CDH13: variants seen among roughly 807,000 people sequenced by gnomAD.
The protein encoded by CDH13 is cadherin-13.
Under a neutral mutation model 63.8 loss-of-function variants are expected in CDH13, and 24 were observed. The observed-to-expected ratio is 0.38, with a 90% CI of 0.27 to 0.53. The LOEUF (loss-of-function observed/expected upper bound fraction) is 0.53, where lower values mean the gene tolerates loss of function less well. CDH13 is among the 20% of genes least tolerant of loss of function. CDH13 has a pLI of 0.85. For synonymous variants in CDH13, 503 were observed against 355.3 expected, an observed-to-expected ratio of 1.42 and a Z score of -4.67; for missense variants, 1,049 against 903.1, an observed-to-expected ratio of 1.16 and a Z score of -2.07.
At chr16:82,736,631 A>G (rs543634127) in intron 1 of CDH13, among the ~76,000 whole-genome samples, 1 of 152,296 alleles carries the variant, frequency 6.6e-6, no homozygotes, top group African/African-American at 2.4e-5. Flanking sequence ...TCTCTCCGCT[A>G]GCTTAAATCT....
intron 13 of CDH13, among the ~76,000 whole-genome samples, chr16:83,788,745 G>A (rs1271395467): frequency 6.6e-6 from 1 of 152,186 alleles, no homozygotes; most frequent in Non-Finnish European, 1.5e-5. Context: ...TGTGCTTTAT[G>A]TGCTCGTCTA....
At chr16:82,894,371 G>A (rs1306910688) in intron 2 of CDH13, among the ~76,000 whole-genome samples, 1 of 152,200 alleles carries the variant, frequency 6.6e-6, no homozygotes, top group Non-Finnish European at 1.5e-5. Flanking sequence ...GGCAGGCGTG[G>A]TGGCTCAAGC....
At chr16:83,115,353 C>T (rs374500120) in intron 3 of CDH13, among the ~76,000 whole-genome samples, 1 of 150,938 alleles carries the variant, frequency 6.6e-6, no homozygotes, top group East Asian at 1.9e-4. Flanking sequence ...GTAATAAATA[C>T]TCAATAAATG....
chr16:82,861,341 T>C (rs1434100433), intron 2 of CDH13, among the ~76,000 whole-genome samples: 1 of 152,164 alleles, frequency 6.6e-6, no homozygotes, highest in Non-Finnish European at 1.5e-5. Flanking sequence ...TTGCAGGGGG[T>C]GTAAACACAG....
At chr16:82,911,286 T>G (rs74030002) in intron 2 of CDH13, among the ~76,000 whole-genome samples, 6,599 of 152,288 alleles carry the variant, frequency 0.043, 451 homozygotes, top group African/African-American at 0.15. Context: ...ATTCAGAGTT[T>G]ATGGCAACAT....
intron 6 of CDH13, among the ~76,000 whole-genome samples, chr16:83,393,336 C>T (rs1461582260): frequency 1.4e-4 from 21 of 152,162 alleles, no homozygotes; most frequent in Admixed American, 1.2e-3. Context: ...CGTGCAGTTA[C>T]TGCAGAGGGA....
At chr16:83,136,890 C>G (rs2036314257) in intron 4 of CDH13, among the ~76,000 whole-genome samples, 1 of 152,202 alleles carries the variant, frequency 6.6e-6, no homozygotes, top group Non-Finnish European at 1.5e-5. Flanking sequence ...GGCTGGAAGC[C>G]TTGAGTTGGA....
In CDH13 at chr16:83,559,572, AAGAAAG is replaced by A. The variant is rs1057135751; in HGVS notation, c.961-42878_961-42873del. ...GGCAACAAGAGCGAAACTGTATAAA[AAGAAAG>A]AGAGAGAGAGAGAGAAAAGAAGGAA... On this transcript the variant is annotated intron_variant, in intron 7 of 13. Coordinates refer to ENST00000567109, the MANE Select transcript of CDH13 (RefSeq NM_001257.5). Among the ~76,000 whole-genome samples the A allele has an allele frequency of 1.5e-4, 18 of 120,644 alleles. No homozygotes were observed. The South Asian group carries it at 2.6e-3, about 17-fold the overall frequency. The allele number at this position is 120,644 out of a possible 152,430, so 79.1% of individuals were successfully genotyped here.
At chr16:82,650,916 G>A (rs984146176) in intron 1 of CDH13, among the ~76,000 whole-genome samples, 2 of 152,226 alleles carry the variant, frequency 1.3e-5, no homozygotes, top group Non-Finnish European at 2.9e-5. Flanking sequence ...ATAAACAGGA[G>A]AGACAGGTGA....
At chr16:83,228,299 G>T (rs570907013) in intron 5 of CDH13, among the ~76,000 whole-genome samples, 3 of 152,184 alleles carry the variant, frequency 2.0e-5, no homozygotes, top group Non-Finnish European at 4.4e-5. Flanking sequence ...GTCCCCACAC[G>T]TCCGCAGGGC....
intron 1 of CDH13, among the ~76,000 whole-genome samples, chr16:82,842,620 G>A (rs1229686247): frequency 6.6e-6 from 1 of 152,086 alleles, no homozygotes; most frequent in Non-Finnish European, 1.5e-5. Flanking sequence ...CTGGTTTCAT[G>A]GAAGACAATT....
intron 6 of CDH13, among the ~76,000 whole-genome samples, chr16:83,464,866 C>G (rs1047985762): frequency 2.0e-5 from 3 of 152,178 alleles, no homozygotes; most frequent in Admixed American, 6.5e-5. Flanking sequence ...GGGTCTTGAA[C>G]GCCTGACCTC....
At chr16:83,053,823 T>C (rs562531070) in intron 3 of CDH13, among the ~76,000 whole-genome samples, 15 of 152,236 alleles carry the variant, frequency 9.9e-5, no homozygotes, top group African/African-American at 3.4e-4. Flanking sequence ...CAGCCCCCCT[T>C]ATCTATGGGA....
intron 3 of CDH13, among the ~76,000 whole-genome samples, chr16:83,099,681 C>G (rs999791216): frequency 2.7e-5 from 4 of 148,054 alleles, no homozygotes; most frequent in Non-Finnish European, 6.0e-5. Flanking sequence ...CTTTCAATCT[C>G]GTTTCTTTTA....
At chr16:83,508,586 C>T (rs532879899) in intron 7 of CDH13, among the ~76,000 whole-genome samples, 1 of 152,144 alleles carries the variant, frequency 6.6e-6, no homozygotes, top group Non-Finnish European at 1.5e-5. Flanking sequence ...GATTACCATC[C>T]CTTCTTGACC....
intron 2 of CDH13, among the ~76,000 whole-genome samples, chr16:82,868,935 C>T (rs545005448): frequency 3.3e-5 from 5 of 152,280 alleles, no homozygotes; most frequent in African/African-American, 7.2e-5. Context: ...AAAAAACTCA[C>T]TGTGGTTTTA....
chr16:83,735,335 C>G (rs1280712617), intron 10 of CDH13: 1 of 152,200 alleles, frequency 6.6e-6, no homozygotes, highest in East Asian at 1.9e-4. Flanking sequence ...AGTTGTAAAT[C>G]CACTGTCCTT....
chr16:83,657,966 T>C (rs1224511617), intron 8 of CDH13, among the ~76,000 whole-genome samples: 1,045 of 92,358 alleles, frequency 0.011, no homozygotes, highest in African/African-American at 0.027. Flanking sequence ...CAGCAAGGTC[T>C]CATGTCCTCA....
At chr16:82,920,716 C>A (rs903021400) in intron 2 of CDH13, among the ~76,000 whole-genome samples, 9 of 152,098 alleles carry the variant, frequency 5.9e-5, no homozygotes, top group Admixed American at 5.9e-4. Context: ...CTTTTTTCCC[C>A]CTCTCTTGGC....
Sources: gnomAD v4.1 joint callset for allele counts (sites outside exome capture counted in the v4.1 genomes callset) on GRCh38, gnomAD v4.1.1 for gene constraint, MANE v1.5 for transcripts, NCBI Gene and HGNC (gene_info 2026-07-23, HGNC 2026-07-21) for gene names.